The following PTPRD variants were observed in gnomAD, a reference collection of about 807,000 sequenced individuals.
PTPRD encodes protein tyrosine phosphatase receptor type D, also known as receptor-type tyrosine-protein phosphatase delta.
PTPRD carries 34 observed loss-of-function variants against 214.5 expected under a neutral mutation model. That is an observed-to-expected ratio of 0.16 (90% CI 0.12 to 0.21). The LOEUF (loss-of-function observed/expected upper bound fraction) is 0.21, where lower values mean the gene tolerates loss of function less well. Among genes scored for constraint, PTPRD ranks in the 10% least tolerant of loss-of-function variants. The pLI, the probability that PTPRD is intolerant of heterozygous loss-of-function variation, is 1.00. For missense variants in PTPRD, 2,545 were observed against 2,398.7 expected (o/e 1.06, Z -1.27); for synonymous variants, 1,128 against 845.7 (o/e 1.33, Z -5.79).
intron 12 of PTPRD, among the ~76,000 whole-genome samples, chr9:8,693,486 G>A (rs936837567): frequency 6.6e-6 from 1 of 152,168 alleles, no homozygotes; most frequent in African/African-American, 2.4e-5. Context: ...CATTCACTAT[G>A]TTTTTTCATT....
At chr9:9,801,716 C>T (rs1307022517) in intron 5 of PTPRD, among the ~76,000 whole-genome samples, 2 of 152,124 alleles carry the variant, frequency 1.3e-5, no homozygotes, top group East Asian at 3.9e-4. Flanking sequence ...TTGGAGGACA[C>T]ATTTCAGCTA....
chr9:10,562,540 A>C (rs1403487075), intron 2 of PTPRD, among the ~76,000 whole-genome samples: 1 of 152,186 alleles, frequency 6.6e-6, no homozygotes, highest in African/African-American at 2.4e-5. Context: ...TAATAGAAAC[A>C]TCTTGAAATC....
chr9:9,703,793 A>T (rs1210258748), intron 7 of PTPRD, among the ~76,000 whole-genome samples: 1 of 152,212 alleles, frequency 6.6e-6, no homozygotes, highest in Non-Finnish European at 1.5e-5. Context: ...AGTTGAAGTT[A>T]GTTAGAATAA....
intron 8 of PTPRD, among the ~76,000 whole-genome samples, chr9:9,441,618 T>C (rs2087855787): frequency 6.6e-6 from 1 of 152,168 alleles, no homozygotes; most frequent in Non-Finnish European, 1.5e-5. Flanking sequence ...CATGGAGACA[T>C]ATCTGCCAGG....
intron 3 of PTPRD, among the ~76,000 whole-genome samples, chr9:10,295,217 A>G (rs191228900): frequency 1.3e-5 from 2 of 152,206 alleles, no homozygotes; most frequent in Admixed American, 1.3e-4. Flanking sequence ...AAAAACAAAG[A>G]CCATCAAACA....
intron 2 of PTPRD, among the ~76,000 whole-genome samples, chr9:10,477,382 G>A (rs2099070025): frequency 6.6e-6 from 1 of 152,158 alleles, no homozygotes; most frequent in Non-Finnish European, 1.5e-5. Context: ...GTGAAAAAAA[G>A]CTCATCATCA....
chr9:8,994,772 T>A (rs2099390261), intron 11 of PTPRD, among the ~76,000 whole-genome samples: 1 of 151,870 alleles, frequency 6.6e-6, no homozygotes, highest in South Asian at 2.1e-4. Flanking sequence ...GGGAGATAAA[T>A]TTGGAAAGGT....
At chr9:8,520,006 A>C (rs1384917107) in intron 20 of PTPRD, among the ~76,000 whole-genome samples, 4 of 152,234 alleles carry the variant, frequency 2.6e-5, no homozygotes, top group Admixed American at 6.5e-5. Context: ...AAGGGAATTT[A>C]CTGAAAATAA....
intron 3 of PTPRD, among the ~76,000 whole-genome samples, chr9:10,267,355 T>C (rs1227652050): frequency 6.6e-6 from 1 of 152,122 alleles, no homozygotes; most frequent in Non-Finnish European, 1.5e-5. Flanking sequence ...CACTAAGTGT[T>C]AAGAACAAAT....
At chr9:8,483,197 G>C (rs1440409080) in intron 30 of PTPRD, among the ~76,000 whole-genome samples, 1 of 152,198 alleles carries the variant, frequency 6.6e-6, no homozygotes, top group East Asian at 1.9e-4. Flanking sequence ...CTTCAGGCCT[G>C]TTGGCCTCTA....
intron 5 of PTPRD, among the ~76,000 whole-genome samples, chr9:9,821,193 T>C (rs2050599897): frequency 1.3e-5 from 2 of 152,182 alleles, no homozygotes; most frequent in South Asian, 4.1e-4. Context: ...TGGTGTTGCA[T>C]TCTTGATTTG....
intron 3 of PTPRD, among the ~76,000 whole-genome samples, chr9:10,331,718 T>A (rs2096753882): frequency 6.6e-6 from 1 of 151,866 alleles, no homozygotes; most frequent in African/African-American, 2.4e-5. Context: ...AGAAACAAAC[T>A]GTTTGAAATT....
intron 14 of PTPRD, among the ~76,000 whole-genome samples, chr9:8,605,346 A>G (rs1043626596): frequency 2.0e-5 from 3 of 152,218 alleles, no homozygotes; most frequent in Admixed American, 6.5e-5. Context: ...TCATTATCAT[A>G]GTTTTGCCTG....
chr9:9,195,623 T>C (rs991219777), intron 9 of PTPRD, among the ~76,000 whole-genome samples: 1 of 152,100 alleles, frequency 6.6e-6, no homozygotes, highest in African/African-American at 2.4e-5. Flanking sequence ...AACCTTTCAT[T>C]TGAATGGAGC....
Position 8,486,162 on chromosome 9 carries a change from G to T in PTPRD, c.2655C>A (p.Ile885=), listed in dbSNP as rs754293267. 1 of 1,614,180 alleles carries T rather than the reference G, an allele frequency of 6.2e-7. No individual in the cohort carries two copies. Among genetic ancestry groups the T allele is most frequent in the South Asian group, 1.1e-5 (1 of 91,086 alleles). ...TGAAGACGTATGATGCTCCCTTGTGGATGTCTGTAGCTGTAAAGTGATCTT... is the reference window on the plus strand; with the variant it reads ...TGAAGACGTATGATGCTCCCTTGTGTATGTCTGTAGCTGTAAAGTGATCTT... ...EKEDHFTATD[I]HKGASYVFRL... The change falls in exon 28 of 46, where the codon ATC becomes ATA. Residue 885 remains isoleucine, a synonymous_variant. Transcript: ENST00000381196.
chr9:8,588,426 C>G (rs951163428), intron 14 of PTPRD, among the ~76,000 whole-genome samples: 4 of 152,064 alleles, frequency 2.6e-5, no homozygotes, highest in African/African-American at 9.7e-5. Context: ...TTCAAGTCTC[C>G]AACACTATGA....
chr9:9,068,947 G>GA (rs890599678), intron 10 of PTPRD, among the ~76,000 whole-genome samples: 2 of 152,028 alleles, frequency 1.3e-5, no homozygotes, highest in Non-Finnish European at 2.9e-5. Context: ...TTGGACATCT[G>GA]AAAAATAATT....
rs2083301155 is a variant in PTPRD, at chr9:8,376,530, G to A, written c.4506+77C>T. On this transcript the variant is annotated intron_variant, in intron 38 of 45. Transcript: ENST00000381196. ...GATCAAGATTTAAGTAAAGCCTTAA[G>A]AGATTTCATTTCTCAAAAGAAGCTT... 2.5e-6 allele frequency: 4 copies of A among 1,589,012 alleles called. No individual in the cohort carries two copies. The Admixed American group carries it at 6.7e-5, about 27-fold the overall frequency.
intron 7 of PTPRD, among the ~76,000 whole-genome samples, chr9:9,683,870 G>C (rs144329945): frequency 8.6e-5 from 13 of 151,558 alleles, no homozygotes; most frequent in African/African-American, 3.1e-4. Context: ...AGTTAGTTCG[G>C]GTTCTAACAT....
Sources: gnomAD v4.1 joint callset for allele counts (sites outside exome capture counted in the v4.1 genomes callset) on GRCh38, gnomAD v4.1.1 for gene constraint, MANE v1.5 for transcripts, NCBI Gene and HGNC (gene_info 2026-07-23, HGNC 2026-07-21) for gene names.